Variants in HNF1B observed in about 807,000 individuals in gnomAD.
HNF1B encodes the protein hepatocyte nuclear factor 1-beta.
Under a neutral mutation model 61.7 loss-of-function variants are expected in HNF1B, and 8 were observed. The ratio of observed to expected loss-of-function variants is 0.13; its 90% confidence interval spans 0.08 to 0.23. HNF1B has a LOEUF of 0.23. HNF1B is among the 10% of genes least tolerant of loss of function. The pLI is 1.00. For missense variants in HNF1B, 562 were observed against 714.5 expected, an observed-to-expected ratio of 0.79 and a Z score of 2.43; for synonymous variants, 314 against 287.7, an observed-to-expected ratio of 1.09 and a Z score of -0.93.
At chr17:37,712,395 C>G (rs567382558) in intron 4 of HNF1B, among the ~76,000 whole-genome samples, 2 of 151,526 alleles carry the variant, frequency 1.3e-5, no homozygotes, top group East Asian at 3.9e-4. Flanking sequence ...CTATCTGCAG[C>G]CCCCACGTCT....
intron 8 of HNF1B, among the ~76,000 whole-genome samples, chr17:37,694,457 A>T (rs1243752708): frequency 2.8e-5 from 1 of 36,290 alleles, no homozygotes; most frequent in Non-Finnish European, 5.7e-5. Context: ...CCCCCCCGCA[A>T]AAAAAAAAGA....
In HNF1B at chr17:37,710,016, A is replaced by G. The variant is rs113981966; in HGVS notation, c.1206+487T>C. Among the ~76,000 whole-genome samples the G allele has an allele frequency of 7.6e-3, 1,162 of 152,326 alleles. 8 individuals carry two copies. The highest frequency in any genetic ancestry group is 0.012 in the Non-Finnish European group (808 of 68,030). ...CCATGTCTTTCACTGTTCCAGTTCA[A>G]GAAGCTTCTCCCCATCGCCTCCTAT... On this transcript the variant is annotated intron_variant, in intron 5 of 8. Transcript: ENST00000617811.
intron 8 of HNF1B, among the ~76,000 whole-genome samples, chr17:37,688,204 T>C (rs943292973): frequency 1.3e-5 from 2 of 152,164 alleles, no homozygotes; most frequent in African/African-American, 4.8e-5. Context: ...CAGGGCAGCC[T>C]TGCCCTCCAG....
At position 37,744,902 on chromosome 17, in the gene HNF1B, A is replaced by ATT; in HGVS notation, c.-19_-18insAA. On this transcript the variant is annotated 5_prime_UTR_variant, in exon 1 of 9. Coordinates refer to ENST00000617811, the MANE Select transcript of HNF1B (RefSeq NM_000458.4). ...GACACCATTTTCCAAGGACGGAAAA[A>ATT]GAAGGGGGTGAGGGGGTGGGTGGGT... is the stretch of plus-strand genomic sequence containing the variant. 6.1e-6 allele frequency: 4 copies of ATT among 652,550 alleles called. No individual in the cohort carries two copies. The highest frequency in any genetic ancestry group is 1.9e-5 in the African/African-American group (1 of 51,562). The allele number at this position is 652,550 out of a possible 1,614,324, so 40.4% of individuals were successfully genotyped here.
chr17:37,692,522 G>A (rs575252156), intron 8 of HNF1B, among the ~76,000 whole-genome samples: 1 of 152,298 alleles, frequency 6.6e-6, no homozygotes, highest in African/African-American at 2.4e-5. Context: ...TGGGTAAGAG[G>A]GTTCTCCAGG....
At chr17:37,697,872 G>C (rs1021095315) in intron 8 of HNF1B, among the ~76,000 whole-genome samples, 1 of 152,244 alleles carries the variant, frequency 6.6e-6, no homozygotes, top group East Asian at 1.9e-4. Flanking sequence ...CAAGACACCA[G>C]TTACTTAATC....
rs2032903252 is a variant in HNF1B at position 37,710,634 on chromosome 17, CATT to C, written c.1072_1074del (p.Asn358del). On this transcript the variant is annotated inframe_deletion, in exon 5 of 9. Coordinates refer to ENST00000617811, the MANE Select transcript of HNF1B (RefSeq NM_000458.4). Reference sequence around the variant, plus strand: ...CTGATTGTTGAGGAGGAAGTGATCTCATTGTTTCCCTGCTGGCTGTAGCGCACT... The same window carrying C: ...CTGATTGTTGAGGAGGAAGTGATCTCGTTTCCCTGCTGGCTGTAGCGCACT... The C allele has an allele frequency of 1.2e-6, 2 of 1,613,876 alleles. No homozygotes were observed. Among genetic ancestry groups the C allele is most frequent in the South Asian group, 2.2e-5 (2 of 91,074 alleles).
At chr17:37,697,724 G>A (rs865975785) in intron 8 of HNF1B, among the ~76,000 whole-genome samples, 21 of 152,062 alleles carry the variant, frequency 1.4e-4, no homozygotes, top group African/African-American at 4.8e-4. Context: ...CACGGGAGTC[G>A]AAGGGCAGGG....
At chr17:37,744,016 C>G (rs965052523) in intron 1 of HNF1B, among the ~76,000 whole-genome samples, 4 of 152,264 alleles carry the variant, frequency 2.6e-5, no homozygotes, top group Admixed American at 1.3e-4. Flanking sequence ...CACCAGGGAA[C>G]TCGCCTCCCA....
At position 37,737,841 on chromosome 17, in the gene HNF1B, T is replaced by C. The variant is rs565296945; in HGVS notation, c.544+1599A>G. Among the ~76,000 whole-genome samples the C allele has an allele frequency of 2.0e-5, 3 of 151,870 alleles. No homozygotes were observed. In the South Asian group the frequency reaches 6.3e-4, roughly 32 times the overall value. ...CAGAGCGAGACCCCGTCTCAAAAAG[T>C]TAAATAAATAAATAAATAAATAAAA... On this transcript the variant is annotated intron_variant, in intron 2 of 8. Coordinates refer to ENST00000617811, the MANE Select transcript of HNF1B (RefSeq NM_000458.4).
At chr17:37,699,913 C>A (rs1464997814) in intron 7 of HNF1B, among the ~76,000 whole-genome samples, 1 of 152,220 alleles carries the variant, frequency 6.6e-6, no homozygotes, top group Non-Finnish European at 1.5e-5. Context: ...AGGGAAGAAA[C>A]ACAAACCTCT....
In HNF1B at chr17:37,735,369, T is replaced by A. The variant is rs186251436; in HGVS notation, c.545-1548A>T. Among the ~76,000 whole-genome samples the A allele has an allele frequency of 1.3e-3, 192 of 152,300 alleles. 2 individuals carry two copies. Among genetic ancestry groups the A allele is most frequent in the African/African-American group, 4.4e-3 (181 of 41,572 alleles). On this transcript the variant is annotated intron_variant, in intron 2 of 8. Transcript: ENST00000617811. ...TTAGGCTCATTTCCATTTTGCTCCA[T>A]CGGGAGGAATGGTTAGGGCCCCTAG...
intron 4 of HNF1B, among the ~76,000 whole-genome samples, chr17:37,714,247 T>C (rs1008270624): frequency 2.0e-4 from 31 of 152,250 alleles, no homozygotes; most frequent in African/African-American, 7.5e-4. Context: ...ACTTTGGCAC[T>C]GTCCTTGTTT....
intron 4 of HNF1B, among the ~76,000 whole-genome samples, chr17:37,726,135 G>T (rs202141851): frequency 1.2e-5 from 1 of 82,712 alleles, no homozygotes; most frequent in Non-Finnish European, 2.5e-5. Flanking sequence ...ACTGCTGGGG[G>T]CTGTGTGTGT....
Position 37,725,739 on chromosome 17 carries a change from G to A in HNF1B, c.1045+5856C>T, listed in dbSNP as rs372276137. Among the ~76,000 whole-genome samples, 11 of 152,358 alleles carry A rather than the reference G, an allele frequency of 7.2e-5. No homozygotes were observed. In the East Asian group the frequency reaches 1.5e-3, roughly 21 times the overall value. On this transcript the variant is annotated intron_variant, in intron 4 of 8. Transcript: ENST00000617811. Reference sequence around the variant, plus strand: ...ATTTACCGTGAGGAACTTTGCTGCTGAGATGAATATTTTTACAACTACCCT... The same window carrying A: ...ATTTACCGTGAGGAACTTTGCTGCTAAGATGAATATTTTTACAACTACCCT...
At chr17:37,717,565 G>T (rs2147496879) in intron 4 of HNF1B, among the ~76,000 whole-genome samples, 1 of 152,344 alleles carries the variant, frequency 6.6e-6, no homozygotes, top group African/African-American at 2.4e-5. Flanking sequence ...TTATGTTGGG[G>T]AGATGACAGG....
At chr17:37,687,416 T>C (rs754798484) in intron 8 of HNF1B, 24 bp from the exon 9 acceptor site, 1 of 1,563,342 alleles carries the variant, frequency 6.4e-7, no homozygotes, top group Non-Finnish European at 8.8e-7. Flanking sequence ...GGAGAGAGGG[T>C]GCTCAGCTGT....
At chr17:37,737,590 G>A (rs1262477266) in intron 2 of HNF1B, among the ~76,000 whole-genome samples, 1 of 152,106 alleles carries the variant, frequency 6.6e-6, no homozygotes, top group South Asian at 2.1e-4. Flanking sequence ...CACTTTGGGA[G>A]GCTGAGGCGG....
intron 2 of HNF1B, among the ~76,000 whole-genome samples, chr17:37,734,258 C>G (rs944422643): frequency 2.6e-5 from 4 of 152,192 alleles, no homozygotes; most frequent in African/African-American, 9.7e-5. Context: ...GTAGATAGCA[C>G]TCCCCACCTC....
Sources: gnomAD v4.1 joint callset for allele counts (sites outside exome capture counted in the v4.1 genomes callset) on GRCh38, gnomAD v4.1.1 for gene constraint, MANE v1.5 for transcripts, NCBI Gene and HGNC (gene_info 2026-07-23, HGNC 2026-07-21) for gene names.